RALGAPB: variants seen among roughly 807,000 people sequenced by gnomAD.
RALGAPB encodes the protein ral GTPase-activating protein subunit beta.
RALGAPB carries 25 observed loss-of-function variants against 161.1 expected under a neutral mutation model. That is an observed-to-expected ratio of 0.16 (90% CI 0.11 to 0.22). RALGAPB has a LOEUF of 0.22. RALGAPB is among the 10% of genes least tolerant of loss of function. The pLI, the probability that RALGAPB is intolerant of heterozygous loss-of-function variation, is 1.00. For missense variants in RALGAPB, 1,391 were observed against 1,815.2 expected, an observed-to-expected ratio of 0.77 and a Z score of 4.25; for synonymous variants, 629 against 626.1, an observed-to-expected ratio of 1.00 and a Z score of -0.07.
Position 38,516,274 on chromosome 20 carries a change from C to T in RALGAPB, c.955C>T (p.Pro319Ser), listed in dbSNP as rs779150468. The stretch of plus-strand genomic sequence containing the variant: ...ACAGTTCTTGAATGTGAGCGGAATG[C>T]CGCAAGAATTGAATCAGTATCCCTG... ...QEQFLNVSGM[P>S]QELNQYPCLK... The change falls in exon 7 of 30, where the codon CCG (proline) becomes TCG (serine). Residue 319 changes from proline (P) to serine (S), a missense_variant. This residue lies in a region of RALGAPB where 946 missense variants were observed against 1,257.2 expected (regional missense o/e 0.75). Transcript: ENST00000262879. The T allele has an allele frequency of 2.5e-6, 4 of 1,613,640 alleles. No homozygotes were observed. The highest frequency in any genetic ancestry group is 3.4e-6 in the Non-Finnish European group (4 of 1,179,640).
intron 13 of RALGAPB, among the ~76,000 whole-genome samples, chr20:38,528,791 C>T (rs2086552868): frequency 6.6e-6 from 1 of 152,008 alleles, no homozygotes; most frequent in African/African-American, 2.4e-5. Flanking sequence ...AGCAATTCTT[C>T]CACCTCACCC....
chr20:38,516,634 C>T lies in RALGAPB; in HGVS notation c.1051+264C>T, dbSNP rs189352199. 3.1e-4 allele frequency: 102 copies of T among 324,650 alleles called. 1 individual carries two copies. Among genetic ancestry groups the T allele is most frequent in the Middle Eastern group, 3.6e-4 (1 of 2,770 alleles). The allele number at this position is 324,650 out of a possible 1,614,324, so 20.1% of individuals were successfully genotyped here. ...AAAACTGCAGTTACTTTTGCACCCACCTAATACATCAAACAAAGTGCTAAG... is the reference window on the plus strand; with the variant it reads ...AAAACTGCAGTTACTTTTGCACCCATCTAATACATCAAACAAAGTGCTAAG... On this transcript the variant is annotated intron_variant, in intron 7 of 29. Coordinates refer to ENST00000262879, the MANE Select transcript of RALGAPB (RefSeq NM_020336.4).
intron 18 of RALGAPB, 39 bp from the exon 19 acceptor site, chr20:38,546,204 G>C (rs767317981): frequency 1.2e-6 from 2 of 1,610,778 alleles, no homozygotes; most frequent in African/African-American, 2.7e-5. Flanking sequence ...TGAAGATTTT[G>C]CTTTGGGAAT....
chr20:38,511,871 G>A (rs185243255), intron 6 of RALGAPB, among the ~76,000 whole-genome samples: 2 of 152,094 alleles, frequency 1.3e-5, no homozygotes, highest in Non-Finnish European at 2.9e-5. Context: ...GGTGGCGGCC[G>A]GGCAGAGGGG....
chr20:38,569,660 C>CTTTTTT, intron 26 of RALGAPB: 1 of 461,850 alleles, frequency 2.2e-6, no homozygotes, highest in Non-Finnish European at 3.9e-6. Context: ...GTATTCCTTC[C>CTTTTTT]TTTTTTTTTC....
intron 1 of RALGAPB, among the ~76,000 whole-genome samples, chr20:38,476,251 C>T (rs1221463468): frequency 3.9e-5 from 6 of 152,178 alleles, no homozygotes; most frequent in African/African-American, 1.4e-4. Flanking sequence ...CTGTTTAATA[C>T]GAGGTACTCA....
At chr20:38,523,153 CAAA>C (rs1205480778) in intron 10 of RALGAPB, among the ~76,000 whole-genome samples, 1 of 130,158 alleles carries the variant, frequency 7.7e-6, no homozygotes, top group Non-Finnish European at 1.7e-5. Context: ...GACTCCGTCT[CAAA>C]AAAAAAAAAA....
chr20:38,477,262 T>C (rs1482112365), intron 1 of RALGAPB, among the ~76,000 whole-genome samples: 1 of 152,222 alleles, frequency 6.6e-6, no homozygotes, highest in Non-Finnish European at 1.5e-5. Flanking sequence ...AAAATTTAAA[T>C]AGTTACATGA....
chr20:38,524,682 G>A (rs1477487719), intron 10 of RALGAPB, 96 bp from the exon 11 acceptor site: 1 of 895,952 alleles, frequency 1.1e-6, no homozygotes, highest in African/African-American at 1.7e-5. Context: ...AAATAGTGAT[G>A]AGTGGAAATA....
Position 38,509,182 on chromosome 20 carries a change from A to T in RALGAPB, c.846A>T (p.Thr282=). 6.2e-7 allele frequency: 1 copy of T among 1,613,844 alleles called. No individual in the cohort carries two copies. The highest frequency in any genetic ancestry group is 8.5e-7 in the Non-Finnish European group (1 of 1,179,760). The change falls in exon 6 of 30, where the codon ACA becomes ACT. Residue 282 remains threonine, a synonymous_variant. Coordinates refer to ENST00000262879, the MANE Select transcript of RALGAPB (RefSeq NM_020336.4). ...PEMDNECVAQ[T]WFRFLHMLSN... is the part of the protein sequence containing the mutation. ...TGGATAATGAGTGTGTTGCACAGAC[A>T]TGGTTTCGCTTTTTACACATGTTAA...
intron 12 of RALGAPB, 118 bp from the exon 13 acceptor site, chr20:38,525,777 C>A: frequency 9.4e-7 from 1 of 1,063,826 alleles, no homozygotes. Flanking sequence ...AGCACAGTGG[C>A]TAATATTAGA....
chr20:38,508,687 A>G (rs2085843752), intron 5 of RALGAPB, among the ~76,000 whole-genome samples: 1 of 152,192 alleles, frequency 6.6e-6, no homozygotes, highest in Non-Finnish European at 1.5e-5. Context: ...TATTACATAT[A>G]AAATATATAC....
At chr20:38,517,427 A>C in intron 7 of RALGAPB, 79 bp from the exon 8 acceptor site, 1 of 1,397,638 alleles carries the variant, frequency 7.2e-7, no homozygotes, top group Non-Finnish European at 9.7e-7. Context: ...AGCCTTCACT[A>C]GGTTACTGGG....
chr20:38,527,721 T>G (rs1216133292), intron 13 of RALGAPB, among the ~76,000 whole-genome samples: 1 of 152,196 alleles, frequency 6.6e-6, no homozygotes, highest in Non-Finnish European at 1.5e-5. Context: ...TTACAATGTT[T>G]TAGGTTATTT....
intron 15 of RALGAPB, among the ~76,000 whole-genome samples, 168 bp from the exon 16 acceptor site, chr20:38,534,906 T>C (rs1418105333): frequency 6.6e-6 from 1 of 152,204 alleles, no homozygotes; most frequent in Non-Finnish European, 1.5e-5. Context: ...CACCGTGTAG[T>C]CAGGCTTGGC....
chr20:38,564,814 C>T lies in RALGAPB; in HGVS notation c.3698-545C>T, dbSNP rs557739732. Among the ~76,000 whole-genome samples, 1,401 of 152,174 alleles carry T rather than the reference C, an allele frequency of 9.2e-3. 25 individuals carry two copies. The highest frequency in any genetic ancestry group is 0.032 in the African/African-American group (1,332 of 41,514). On this transcript the variant is annotated intron_variant, in intron 24 of 29. Transcript: ENST00000262879. Reference sequence around the variant, plus strand: ...CTTAAAAGCAAGAGTCCAGAGATAACGCACATGTGCACTCTCTCTCTTCTC... The same window carrying T: ...CTTAAAAGCAAGAGTCCAGAGATAATGCACATGTGCACTCTCTCTCTTCTC...
Position 38,517,821 on chromosome 20 carries a change from C to G in RALGAPB, c.1238C>G (p.Thr413Arg). The change falls in exon 9 of 30, where the codon ACG (threonine) becomes AGG (arginine). Residue 413 changes from threonine (T) to arginine (R), a missense_variant. By Grantham distance (71) the Thr-to-Arg change is moderately conservative (BLOSUM62 -1). Coordinates refer to ENST00000262879, the MANE Select transcript of RALGAPB (RefSeq NM_020336.4). ...TAHASKVQHQTSSTSPLSSPN... is the reference protein window; with the variant it reads ...TAHASKVQHQRSSTSPLSSPN... ...CATGCCTCTAAAGTTCAGCACCAGA[C>G]GTCCTCCACCTCTCCTCTGTCAAGT... The G allele has an allele frequency of 6.2e-7, 1 of 1,613,924 alleles. No homozygotes were observed. Among genetic ancestry groups the G allele is most frequent in the South Asian group, 1.1e-5 (1 of 91,068 alleles).
chr20:38,553,056 G>A (rs1027257714), intron 21 of RALGAPB, among the ~76,000 whole-genome samples: 7 of 152,114 alleles, frequency 4.6e-5, no homozygotes, highest in African/African-American at 7.2e-5. Flanking sequence ...GTGCCCCACC[G>A]CAATAGTAGA....
intron 19 of RALGAPB, among the ~76,000 whole-genome samples, 154 bp from the exon 20 acceptor site, chr20:38,548,535 G>T (rs1031643487): frequency 1.3e-5 from 2 of 152,204 alleles, no homozygotes; most frequent in Non-Finnish European, 2.9e-5. Flanking sequence ...ACGGGTATGG[G>T]TACGGCAGAA....
Sources: allele counts gnomAD v4.1 joint callset (sites outside exome capture counted in the v4.1 genomes callset), GRCh38; gene constraint gnomAD v4.1.1; regional missense constraint gnomAD v4.1.1; transcripts MANE v1.5; gene names NCBI Gene and HGNC (gene_info 2026-07-23, HGNC 2026-07-21).